The following C10orf53 variants were observed in gnomAD, a reference collection of about 807,000 sequenced individuals.
C10orf53 encodes the protein UPF0728 protein C10orf53.
A neutral mutation model predicts 9.4 loss-of-function variants in C10orf53; 8 were observed. That is an observed-to-expected ratio of 0.85 (90% CI 0.50 to 1.53). The LOEUF is 1.53. Among genes scored for constraint, C10orf53 ranks in the 40% most tolerant of loss-of-function variants. C10orf53 has a pLI of 0.00. For missense variants in C10orf53, 117 were observed against 117.8 expected, an observed-to-expected ratio of 0.99 and a Z score of 0.03; for synonymous variants, 48 against 46.0, an observed-to-expected ratio of 1.04 and a Z score of -0.18.
chr10:49,702,745 A>G (rs1332924847), intron 2 of C10orf53, among the ~76,000 whole-genome samples: 1 of 152,204 alleles, frequency 6.6e-6, no homozygotes, highest in Admixed American at 6.5e-5. Context: ...CTATATAGAT[A>G]TACATATAGA....
intron 2 of C10orf53, among the ~76,000 whole-genome samples, chr10:49,702,828 C>G (rs1840693994): frequency 6.6e-6 from 1 of 152,198 alleles, no homozygotes; most frequent in Admixed American, 6.5e-5. Flanking sequence ...GCTCCTCAGT[C>G]CCAGAGACCC....
downstream of C10orf53, among the ~76,000 whole-genome samples, chr10:49,698,424 G>A (rs1330821646): frequency 3.9e-5 from 6 of 152,164 alleles, no homozygotes. Flanking sequence ...AACACATGGT[G>A]CTGAGGGAGG....
At chr10:49,692,036 G>T (rs1840590107) in intron 1 of C10orf53, among the ~76,000 whole-genome samples, 1 of 152,194 alleles carries the variant, frequency 6.6e-6, no homozygotes, top group Non-Finnish European at 1.5e-5. Flanking sequence ...CGTCCTGAGG[G>T]GTTGCTGCTG....
At position 49,697,052 on chromosome 10, in the gene C10orf53, G is replaced by A. The variant is rs968614518; in HGVS notation, c.*2450G>A. The stretch of plus-strand genomic sequence containing the variant: ...TACAAAAAATACAAAAATTAGCCAG[G>A]CCTGGTGGCATGCACCTGTAGTCCC... On this transcript the variant is annotated 3_prime_UTR_variant, in exon 3 of 3. Coordinates refer to ENST00000374111, the MANE Select transcript of C10orf53 (RefSeq NM_001042427.3). 1.3e-5 allele frequency among the ~76,000 whole-genome samples: 2 copies of A among 152,058 alleles called. No individual in the cohort carries two copies. The highest frequency in any genetic ancestry group is 2.9e-5 in the Non-Finnish European group (2 of 68,020).
At chr10:49,689,712 G>A (rs1461797540) in intron 1 of C10orf53, among the ~76,000 whole-genome samples, 4 of 152,282 alleles carry the variant, frequency 2.6e-5, no homozygotes, top group East Asian at 1.9e-4. Context: ...GTGTGACAGG[G>A]CTGGGGCACA....
intron 1 of C10orf53, among the ~76,000 whole-genome samples, chr10:49,686,804 G>A (rs180687287): frequency 4.9e-4 from 75 of 152,256 alleles, no homozygotes; most frequent in Middle Eastern, 3.4e-3. Flanking sequence ...AGTGCACAGC[G>A]GGACATAGAC....
downstream of C10orf53, among the ~76,000 whole-genome samples, chr10:49,698,271 C>T (rs1840652925): frequency 6.6e-6 from 1 of 152,138 alleles, no homozygotes; most frequent in African/African-American, 2.4e-5. Context: ...GCCTGGGTGA[C>T]AGTGAGACCC....
At chr10:49,689,414 G>A (rs1036416533) in intron 1 of C10orf53, among the ~76,000 whole-genome samples, 11 of 152,150 alleles carry the variant, frequency 7.2e-5, no homozygotes, top group African/African-American at 2.4e-4. Context: ...TACCCTCGGC[G>A]GGAGAGTAAA....
At chr10:49,690,656 T>C (rs1268714027) in intron 1 of C10orf53, among the ~76,000 whole-genome samples, 1 of 152,234 alleles carries the variant, frequency 6.6e-6, no homozygotes, top group African/African-American at 2.4e-5. Flanking sequence ...GTAATTTCCC[T>C]GGCCACACTT....
Position 49,679,800 on chromosome 10 carries a change from C to G in C10orf53, c.97+6C>G, listed in dbSNP as rs1157730022. On this transcript the variant is annotated splice_donor_region_variant and intron_variant, in intron 1 of 2. Transcript: ENST00000374111. ...CCGCCTGCAGGGCCTGCAAGGTGGGCCTCCTCGCCGCGTGCGCCCCTGAGG... is the reference window on the plus strand; with the variant it reads ...CCGCCTGCAGGGCCTGCAAGGTGGGGCTCCTCGCCGCGTGCGCCCCTGAGG... The G allele has an allele frequency of 2.0e-6, 3 of 1,531,306 alleles. No individual in the cohort carries two copies. Among genetic ancestry groups the G allele is most frequent in the East Asian group, 2.5e-5 (1 of 39,486 alleles). The allele number at this position is 1,531,306 out of a possible 1,614,324, so 94.9% of individuals were successfully genotyped here. A position where few individuals can be genotyped will look rare whatever the true frequency, so the allele number is the denominator to read the frequency against.
chr10:49,698,652 G>A (rs536421792), downstream of C10orf53, among the ~76,000 whole-genome samples: 22 of 152,268 alleles, frequency 1.4e-4, no homozygotes, highest in African/African-American at 4.6e-4. Flanking sequence ...CCCAGGTCTC[G>A]GGCATAAGGC....
intron 2 of C10orf53, among the ~76,000 whole-genome samples, chr10:49,704,782 A>G (rs898701060): frequency 2.0e-5 from 3 of 152,106 alleles, no homozygotes; most frequent in African/African-American, 7.2e-5. Flanking sequence ...AAAACAAAAA[A>G]TGTTATAGGA....
intron 1 of C10orf53, 72 bp downstream of exon 1, chr10:49,679,866 C>T: frequency 7.4e-7 from 1 of 1,354,576 alleles, no homozygotes; most frequent in Non-Finnish European, 9.8e-7. Context: ...TGCCCTGTGC[C>T]TAGGCCTTCC....
At chr10:49,683,444 T>C (rs1462460174) in intron 1 of C10orf53, among the ~76,000 whole-genome samples, 1 of 152,254 alleles carries the variant, frequency 6.6e-6, no homozygotes, top group Non-Finnish European at 1.5e-5. Flanking sequence ...AGATAAATGA[T>C]TTGCAAATAT....
rs1428913634 is a variant in C10orf53, at chr10:49,679,743, G to A, written c.46G>A (p.Ala16Thr). Residue 16 changes from alanine to threonine, a missense_variant, in exon 1 of 3, where the codon GCG (alanine) becomes ACG (threonine). Transcript: ENST00000374111. Reference sequence around the variant, plus strand: ...CATCCTGCGCTATGGGCCCTACAGCGCGGCAGGCCTACCGGTGGAGCACCA... The same window carrying A: ...CATCCTGCGCTATGGGCCCTACAGCACGGCAGGCCTACCGGTGGAGCACCA... ...VVILRYGPYS[A>T]AGLPVEHHTF... 3 of 1,547,274 alleles carry A rather than the reference G, an allele frequency of 1.9e-6. No individual in the cohort carries two copies. The highest frequency in any genetic ancestry group is 3.9e-5 in the Admixed American group (2 of 50,796).
In C10orf53 at chr10:49,679,810, G is replaced by GCGTGCGCCC; in HGVS notation, c.97+18_97+26dup. 6.6e-7 allele frequency: 1 copy of GCGTGCGCCC among 1,526,252 alleles called. No homozygotes were observed. The allele number at this position is 1,526,252 out of a possible 1,614,324, so 94.5% of individuals were successfully genotyped here. A position where few individuals can be genotyped will look rare whatever the true frequency, so the allele number is the denominator to read the frequency against. ...GGCCTGCAAGGTGGGCCTCCTCGCC[G>GCGTGCGCCC]CGTGCGCCCCTGAGGGCCCCAGCCT... On this transcript the variant is annotated intron_variant, in intron 1 of 2. Coordinates refer to ENST00000374111, the MANE Select transcript of C10orf53 (RefSeq NM_001042427.3).
Position 49,696,556 on chromosome 10 carries a change from G to A in C10orf53, c.*1954G>A, listed in dbSNP as rs894535535. 6.6e-6 allele frequency among the ~76,000 whole-genome samples: 1 copy of A among 152,216 alleles called. No individual in the cohort carries two copies. Among genetic ancestry groups the A allele is most frequent in the Non-Finnish European group, 1.5e-5 (1 of 68,030 alleles). ...CCTTCAGAGTAGCACTACAAGTGAA[G>A]AAGACCTGCCCTCCTTGGCTTCATG... On this transcript the variant is annotated 3_prime_UTR_variant, in exon 3 of 3. Transcript: ENST00000374111.
intron 1 of C10orf53, among the ~76,000 whole-genome samples, chr10:49,693,355 G>T (rs898304189): frequency 6.6e-6 from 1 of 152,058 alleles, no homozygotes; most frequent in Non-Finnish European, 1.5e-5. Context: ...ATTTTTTGAG[G>T]CTTTTGGTAC....
intron 2 of C10orf53, among the ~76,000 whole-genome samples, chr10:49,705,534 C>T (rs1001624984): frequency 2.2e-4 from 34 of 152,144 alleles, no homozygotes; most frequent in African/African-American, 8.0e-4. Flanking sequence ...CCAAAAGCCA[C>T]TTGCCTCAAG....
Sources: allele counts gnomAD v4.1 joint callset (sites outside exome capture counted in the v4.1 genomes callset), GRCh38; gene constraint gnomAD v4.1.1; transcripts MANE v1.5; gene names NCBI Gene and HGNC (gene_info 2026-07-23, HGNC 2026-07-21).